The following SEZ6L variants were observed in gnomAD, a reference collection of about 807,000 sequenced individuals.
SEZ6L encodes the protein seizure related 6 homolog like.
SEZ6L carries 37 observed loss-of-function variants against 106.2 expected under a neutral mutation model. The ratio of observed to expected loss-of-function variants is 0.35; its 90% CI spans 0.27 to 0.46. The LOEUF (loss-of-function observed/expected upper bound fraction) is 0.46, where lower values mean the gene tolerates loss of function less well. SEZ6L is among the 20% of genes least tolerant of loss of function. The pLI is 1.00. For synonymous variants in SEZ6L, 541 were observed against 570.4 expected (o/e 0.95, Z 0.73); for missense variants, 1,172 against 1,332.8 (o/e 0.88, Z 1.88).
intron 1 of SEZ6L, among the ~76,000 whole-genome samples, chr22:26,178,681 C>T (rs182550433): frequency 6.6e-6 from 1 of 152,116 alleles, no homozygotes; most frequent in African/African-American, 2.4e-5. Flanking sequence ...TTCACATTGC[C>T]AAAATGGAAT....
intron 12 of SEZ6L, among the ~76,000 whole-genome samples, chr22:26,352,191 G>A (rs2083304015): frequency 6.7e-6 from 1 of 149,320 alleles, no homozygotes; most frequent in South Asian, 2.1e-4. Flanking sequence ...ACTACTTCAA[G>A]GCTCTCTAGG....
chr22:26,374,521 C>A (rs898540213), intron 14 of SEZ6L, among the ~76,000 whole-genome samples: 3 of 152,164 alleles, frequency 2.0e-5, no homozygotes. Context: ...TTCAGAGTAT[C>A]CTTTTTCTGC....
chr22:26,174,488 C>A (rs530694540), intron 1 of SEZ6L, among the ~76,000 whole-genome samples: 11 of 152,254 alleles, frequency 7.2e-5, no homozygotes, highest in African/African-American at 2.6e-4. Context: ...GCTGGGTAGA[C>A]GAGAGCTGGA....
At chr22:26,356,673 A>C (rs35559849) in intron 12 of SEZ6L, among the ~76,000 whole-genome samples, 1 of 95,772 alleles carries the variant, frequency 1.0e-5, no homozygotes, top group African/African-American at 3.0e-5. Flanking sequence ...TAATAATAAT[A>C]ATAATAATAA....
intron 1 of SEZ6L, among the ~76,000 whole-genome samples, chr22:26,284,537 G>A (rs970575232): frequency 3.6e-4 from 53 of 146,812 alleles, no homozygotes; most frequent in African/African-American, 1.3e-3. Flanking sequence ...TTTAACCCAG[G>A]AGGCGGAGGT....
chr22:26,373,502 A>AG lies in SEZ6L; in HGVS notation c.2827+19_2827+20insG. The AG allele has an allele frequency of 6.3e-7, 1 of 1,587,820 alleles. No individual in the cohort carries two copies. Among genetic ancestry groups the AG allele is most frequent in the Non-Finnish European group, 8.6e-7 (1 of 1,168,294 alleles). On this transcript the variant is annotated intron_variant, in intron 14 of 16. Coordinates refer to ENST00000248933, the MANE Select transcript of SEZ6L (RefSeq NM_021115.5). ...TTAGAAGGTGAGTTCCAGAACGAAA[A>AG]AAAAAAAAGTTCAATAAATCAAACT... is the stretch of plus-strand genomic sequence containing the variant.
At chr22:26,170,507 A>G (rs1407355838) in intron 1 of SEZ6L, among the ~76,000 whole-genome samples, 2 of 152,024 alleles carry the variant, frequency 1.3e-5, no homozygotes, top group African/African-American at 4.8e-5. Context: ...AGTTTCATCT[A>G]CCACGTGTTT....
chr22:26,353,963 A>G (rs1201245083), intron 12 of SEZ6L, among the ~76,000 whole-genome samples: 2 of 146,268 alleles, frequency 1.4e-5, no homozygotes, highest in South Asian at 2.2e-4. Flanking sequence ...ATCTGTAACC[A>G]TGACCTTGAT....
At chr22:26,189,438 A>C (rs1476096513) in intron 1 of SEZ6L, among the ~76,000 whole-genome samples, 1 of 152,176 alleles carries the variant, frequency 6.6e-6, no homozygotes, top group African/African-American at 2.4e-5. Flanking sequence ...AATACAGTCA[A>C]TCCTCCCCTC....
intron 6 of SEZ6L, among the ~76,000 whole-genome samples, chr22:26,307,629 T>A (rs371099692): frequency 6.6e-6 from 1 of 152,208 alleles, no homozygotes; most frequent in Non-Finnish European, 1.5e-5. Flanking sequence ...AACGTGGCTT[T>A]TTAGCAGCAC....
chr22:26,330,154 A>C (rs1001509264), intron 9 of SEZ6L, among the ~76,000 whole-genome samples: 3 of 152,190 alleles, frequency 2.0e-5, no homozygotes, highest in Non-Finnish European at 4.4e-5. Context: ...GATTGGGGTG[A>C]AGACATGTGC....
intron 9 of SEZ6L, among the ~76,000 whole-genome samples, chr22:26,335,563 T>A (rs1011749653): frequency 6.6e-6 from 1 of 152,208 alleles, no homozygotes; most frequent in Non-Finnish European, 1.5e-5. Flanking sequence ...GAAAGTCTCC[T>A]GAGCACAGCT....
chr22:26,187,910 C>A (rs1013326901), intron 1 of SEZ6L, among the ~76,000 whole-genome samples: 1 of 152,240 alleles, frequency 6.6e-6, no homozygotes, highest in East Asian at 1.9e-4. Context: ...TGCATGAGAA[C>A]CTGAACCAAT....
intron 16 of SEZ6L, among the ~76,000 whole-genome samples, chr22:26,379,218 C>T (rs34092090): frequency 0.071 from 10,878 of 152,330 alleles, 560 homozygotes; most frequent in Middle Eastern, 0.18. Flanking sequence ...TATAGAGCAG[C>T]TCATGACATG....
At chr22:26,231,023 C>G (rs1331958104) in intron 1 of SEZ6L, among the ~76,000 whole-genome samples, 1 of 152,120 alleles carries the variant, frequency 6.6e-6, no homozygotes, top group Admixed American at 6.5e-5. Flanking sequence ...TTGGCTTTGC[C>G]TAGGAAAGAA....
At chr22:26,240,036 T>C (rs1331278583) in intron 1 of SEZ6L, among the ~76,000 whole-genome samples, 6 of 150,922 alleles carry the variant, frequency 4.0e-5, no homozygotes, top group Non-Finnish European at 8.8e-5. Flanking sequence ...GCTTTCTGTG[T>C]ATCCCCTCAA....
chr22:26,326,200 G>A (rs1479475800), intron 9 of SEZ6L, among the ~76,000 whole-genome samples: 1 of 152,154 alleles, frequency 6.6e-6, no homozygotes, highest in Non-Finnish European at 1.5e-5. Context: ...CTACTTGGGA[G>A]GGGACCTGCT....
intron 1 of SEZ6L, among the ~76,000 whole-genome samples, chr22:26,251,634 G>T (rs1046049354): frequency 2.6e-5 from 4 of 152,280 alleles, no homozygotes; most frequent in Non-Finnish European, 4.4e-5. Flanking sequence ...GTTAGCTTAG[G>T]GCTGCTAGGG....
chr22:26,351,967 T>G (rs1305753321), intron 12 of SEZ6L, among the ~76,000 whole-genome samples: 1 of 152,050 alleles, frequency 6.6e-6, no homozygotes, highest in Admixed American at 6.5e-5. Context: ...GAGACCAGTC[T>G]GGGCAACATG....
Sources: allele counts gnomAD v4.1 joint callset (sites outside exome capture counted in the v4.1 genomes callset), GRCh38; gene constraint gnomAD v4.1.1; transcripts MANE v1.5; gene names NCBI Gene and HGNC (gene_info 2026-07-23, HGNC 2026-07-21).